FAT3: variants seen among roughly 807,000 people sequenced by gnomAD.
FAT3 encodes the protein FAT atypical cadherin 3.
Under a neutral mutation model 310.2 loss-of-function variants are expected in FAT3, and 95 were observed. That is an observed-to-expected ratio of 0.31 (90% CI 0.26 to 0.36). The LOEUF is 0.36. FAT3 is among the 10% of genes least tolerant of loss of function. The pLI is 1.00. For synonymous variants in FAT3, 2,314 were observed against 2,192.9 expected (o/e 1.06, Z -1.54); for missense variants, 5,408 against 5,715.6 (o/e 0.95, Z 1.74).
chr11:92,232,277 C>T (rs1273290929), intron 1 of FAT3, among the ~76,000 whole-genome samples: 1 of 151,818 alleles, frequency 6.6e-6, no homozygotes, highest in East Asian at 1.9e-4. Flanking sequence ...AAAAAAAAAA[C>T]CTTTGCTAAT....
intron 2 of FAT3, among the ~76,000 whole-genome samples, chr11:92,453,813 C>T (rs1021776183): frequency 6.6e-6 from 1 of 152,100 alleles, no homozygotes; most frequent in African/African-American, 2.4e-5. Flanking sequence ...AAGAAAAACG[C>T]AGTGTTGTAC....
At chr11:92,424,442 AT>A (rs1363959995) in intron 2 of FAT3, among the ~76,000 whole-genome samples, 2 of 152,140 alleles carry the variant, frequency 1.3e-5, no homozygotes, top group East Asian at 3.9e-4. Flanking sequence ...CAATAACTTT[AT>A]AATTACTCAA....
chr11:92,716,180 C>T (rs548459351), intron 4 of FAT3, among the ~76,000 whole-genome samples: 1 of 152,190 alleles, frequency 6.6e-6, no homozygotes, highest in South Asian at 2.1e-4. Context: ...TAAAAGATAC[C>T]TGGATAAATG....
intron 2 of FAT3, among the ~76,000 whole-genome samples, chr11:92,376,974 G>A (rs1949366465): frequency 6.6e-6 from 1 of 152,036 alleles, no homozygotes; most frequent in African/African-American, 2.4e-5. Flanking sequence ...TTATGTCCAG[G>A]CCATAAATAC....
chr11:92,687,066 G>A (rs1280184781), intron 3 of FAT3, among the ~76,000 whole-genome samples: 2 of 152,024 alleles, frequency 1.3e-5, no homozygotes, highest in African/African-American at 4.8e-5. Flanking sequence ...GATACAATAA[G>A]GTTTTCCTTT....
chr11:92,651,559 G>A (rs1591565935), intron 3 of FAT3, among the ~76,000 whole-genome samples: 1 of 152,140 alleles, frequency 6.6e-6, no homozygotes, highest in Admixed American at 6.5e-5. Context: ...TAGGAGTTGA[G>A]ACACTTTTTT....
chr11:92,540,775 G>GTTTT (rs58218154), intron 3 of FAT3, among the ~76,000 whole-genome samples: 1 of 140,538 alleles, frequency 7.1e-6, no homozygotes, highest in African/African-American at 2.6e-5. Context: ...GTTTTGTTTT[G>GTTTT]TTTTTTTTGA....
chr11:92,662,542 A>C (rs769652559), intron 3 of FAT3, among the ~76,000 whole-genome samples: 1 of 152,194 alleles, frequency 6.6e-6, no homozygotes, highest in African/African-American at 2.4e-5. Context: ...CTGTGTTTTC[A>C]TGCAAGTAGC....
intron 1 of FAT3, among the ~76,000 whole-genome samples, chr11:92,301,856 A>C (rs564207856): frequency 2.0e-5 from 3 of 152,166 alleles, no homozygotes; most frequent in Admixed American, 2.0e-4. Flanking sequence ...TAAGCACAAG[A>C]ATCCATACGA....
At chr11:92,321,326 C>T (rs1947611522) in intron 1 of FAT3, among the ~76,000 whole-genome samples, 1 of 151,552 alleles carries the variant, frequency 6.6e-6, no homozygotes, top group African/African-American at 2.4e-5. Context: ...AGTCCCAGCT[C>T]CTTGGGAGGC....
chr11:92,579,059 C>T (rs1436037533), intron 3 of FAT3, among the ~76,000 whole-genome samples: 2 of 151,962 alleles, frequency 1.3e-5, no homozygotes. Flanking sequence ...ATCTATAGTT[C>T]CATTAATTGT....
chr11:92,588,117 G>C (rs1238790850), intron 3 of FAT3, among the ~76,000 whole-genome samples: 1 of 151,934 alleles, frequency 6.6e-6, no homozygotes, highest in South Asian at 2.1e-4. Context: ...GGATCTCCAA[G>C]TTCTGACCTT....
chr11:92,682,740 G>A lies in FAT3; in HGVS notation c.3608-14644G>A, dbSNP rs144941712. Among the ~76,000 whole-genome samples, 57 of 152,244 alleles carry A rather than the reference G, an allele frequency of 3.7e-4. No homozygotes were observed. The East Asian group carries it at 0.011, about 28-fold the overall frequency. ...GGGGATGGTTGGTCACCCAACAAAT[G>A]TGTTCTGAGAGGAGGACAAGGGAAT... On this transcript the variant is annotated intron_variant, in intron 3 of 27. Transcript: ENST00000525166.
chr11:92,617,768 G>A (rs1049074358), intron 3 of FAT3, among the ~76,000 whole-genome samples: 5 of 152,260 alleles, frequency 3.3e-5, no homozygotes, highest in East Asian at 3.9e-4. Flanking sequence ...TTGTTTGCCC[G>A]GGTGTCACCA....
chr11:92,305,775 C>G (rs1004906058), intron 1 of FAT3, among the ~76,000 whole-genome samples: 1 of 152,012 alleles, frequency 6.6e-6, no homozygotes, highest in African/African-American at 2.4e-5. Context: ...GTCAAGGTCA[C>G]GGAAGACAAA....
chr11:92,682,619 G>C (rs1249249701), intron 3 of FAT3, among the ~76,000 whole-genome samples: 1 of 152,088 alleles, frequency 6.6e-6, no homozygotes, highest in Admixed American at 6.6e-5. Flanking sequence ...CTGAAACTAG[G>C]GTGATCAACC....
At chr11:92,870,941 C>G (rs1657600118) in intron 22 of FAT3, among the ~76,000 whole-genome samples, 1 of 152,152 alleles carries the variant, frequency 6.6e-6, no homozygotes, top group African/African-American at 2.4e-5. Flanking sequence ...ACCTACCCAC[C>G]CTCATTTTAC....
At chr11:92,570,164 A>G (rs1955621905) in intron 3 of FAT3, among the ~76,000 whole-genome samples, 1 of 152,132 alleles carries the variant, frequency 6.6e-6, no homozygotes, top group Admixed American at 6.6e-5. Context: ...GGAAAACTAT[A>G]ATTGATTTAA....
chr11:92,339,596 A>G (rs1008888626), intron 1 of FAT3, among the ~76,000 whole-genome samples: 2 of 152,204 alleles, frequency 1.3e-5, no homozygotes, highest in African/African-American at 2.4e-5. Flanking sequence ...TGCTCTGAGG[A>G]CACATGACAG....
Sources: allele counts gnomAD v4.1 joint callset (sites outside exome capture counted in the v4.1 genomes callset), GRCh38; gene constraint gnomAD v4.1.1; transcripts MANE v1.5; gene names NCBI Gene and HGNC (gene_info 2026-07-23, HGNC 2026-07-21).